The following NLRP8 variants were observed in gnomAD, a reference collection of about 807,000 sequenced individuals.
NLRP8 encodes NLR family pyrin domain containing 8.
A neutral mutation model predicts 88.7 loss-of-function variants in NLRP8; 86 were observed. The ratio of observed to expected loss-of-function variants is 0.97; its 90% confidence interval spans 0.81 to 1.16. NLRP8 has a LOEUF of 1.16. NLRP8 is among the 50% of genes most tolerant of loss of function. The pLI, the probability that NLRP8 is intolerant of heterozygous loss-of-function variation, is 0.00. For synonymous variants in NLRP8, 504 were observed against 494.6 expected, an observed-to-expected ratio of 1.02 and a Z score of -0.25; for missense variants, 1,342 against 1,286.5, an observed-to-expected ratio of 1.04 and a Z score of -0.66.
At chr19:55,978,892 C>G (rs1450355381) in intron 8 of NLRP8, among the ~76,000 whole-genome samples, 20 of 152,096 alleles carry the variant, frequency 1.3e-4, no homozygotes, top group Admixed American at 1.2e-3. Context: ...CCACTGCACT[C>G]CAGCCTGGGC....
chr19:55,974,809 G>A (rs976992003), intron 7 of NLRP8, among the ~76,000 whole-genome samples: 3 of 151,670 alleles, frequency 2.0e-5, no homozygotes, highest in Non-Finnish European at 1.5e-5. Context: ...AAGTTTGGCA[G>A]TTACCCGAGA....
At chr19:55,969,310 C>A (rs1216604367) in intron 5 of NLRP8, among the ~76,000 whole-genome samples, 1 of 152,194 alleles carries the variant, frequency 6.6e-6, no homozygotes, top group East Asian at 1.9e-4. Flanking sequence ...CATTCTTATG[C>A]CTTTGCATCA....
intron 7 of NLRP8, among the ~76,000 whole-genome samples, chr19:55,975,780 G>C (rs559143271): frequency 1.1e-3 from 161 of 152,232 alleles, no homozygotes; most frequent in Non-Finnish European, 1.8e-3. Context: ...GGTGGGTTGG[G>C]GGAGGAAGTG....
At chr19:55,986,678 C>A (rs1980856317) in intron 9 of NLRP8, among the ~76,000 whole-genome samples, 1 of 152,180 alleles carries the variant, frequency 6.6e-6, no homozygotes, top group Non-Finnish European at 1.5e-5. Context: ...CGGTTGCAGC[C>A]AATGAGCAGC....
chr19:55,982,811 T>G (rs1183385211), intron 9 of NLRP8, among the ~76,000 whole-genome samples: 3 of 152,134 alleles, frequency 2.0e-5, no homozygotes, highest in African/African-American at 7.2e-5. Flanking sequence ...CTGGGCATGA[T>G]GGCGCATGCC....
Position 55,976,289 on chromosome 19 carries a change from A to G in NLRP8, c.2862A>G (p.Thr954=), listed in dbSNP as rs897125716. 6.2e-6 allele frequency: 10 copies of G among 1,603,064 alleles called. No individual in the cohort carries two copies. The highest frequency in any genetic ancestry group is 8.5e-6 in the Non-Finnish European group (10 of 1,177,124). ...AGGCCCTGAAGAACCCTGACTGTAC[A>G]TTACAGATCCTGGAGTAAGTGGCCC... The change falls in exon 8 of 10, where the codon ACA becomes ACG. Residue 954 remains threonine (T), a synonymous_variant. Coordinates refer to ENST00000291971, the MANE Select transcript of NLRP8 (RefSeq NM_176811.2).
At chr19:55,958,840 C>G (rs374425078) in intron 3 of NLRP8, among the ~76,000 whole-genome samples, 3 of 151,904 alleles carry the variant, frequency 2.0e-5, no homozygotes, top group Non-Finnish European at 4.4e-5. Context: ...TGTGAGCCAC[C>G]GCGTCCAGCC....
chr19:55,962,383 A>G lies in NLRP8; in HGVS notation c.2213+146A>G, dbSNP rs1417348131. 3.6e-6 allele frequency: 3 copies of G among 842,428 alleles called. No homozygotes were observed. In the Admixed American group the frequency reaches 8.6e-5, roughly 24 times the overall value. The allele number at this position is 842,428 out of a possible 1,614,324, so 52.2% of individuals were successfully genotyped here. A position where few individuals can be genotyped will look rare whatever the true frequency, so the allele number is the denominator to read the frequency against. ...GACGGAGGTGCAGGAGGAATGAGTC[A>G]TGGGGTGCGTGGTGAAGGAAACCAC... is the stretch of plus-strand genomic sequence containing the variant. On this transcript the variant is annotated intron_variant, in intron 4 of 9. Transcript: ENST00000291971.
chr19:55,955,520 C>T lies in NLRP8; in HGVS notation c.1462C>T (p.Leu488Phe), dbSNP rs1189015955. ...GGATCAGACGGGAGTCACCGCCTTCCTTGGCATGAGTATTCTTCGGAGAAT... is the reference window on the plus strand; with the variant it reads ...GGATCAGACGGGAGTCACCGCCTTCTTTGGCATGAGTATTCTTCGGAGAAT... Residue 488 changes from leucine (L) to phenylalanine (F), a missense_variant, in exon 3 of 10, where the codon CTT becomes TTT. Leu to Phe is a conservative substitution (Grantham distance 22, BLOSUM62 0). Transcript: ENST00000291971. 1.2e-6 allele frequency: 2 copies of T among 1,614,204 alleles called. No homozygotes were observed. The highest frequency in any genetic ancestry group is 2.2e-5 in the South Asian group (2 of 91,084).
At chr19:55,976,810 T>G (rs56355090) in intron 8 of NLRP8, among the ~76,000 whole-genome samples, 12,970 of 55,140 alleles carry the variant, frequency 0.24, 734 homozygotes, top group African/African-American at 0.36. Context: ...CCAGGCGCGG[T>G]GGCTCACGCC....
chr19:55,979,269 T>C, intron 8 of NLRP8, 125 bp from the exon 9 acceptor site: 2 of 1,037,110 alleles, frequency 1.9e-6, no homozygotes, highest in South Asian at 1.5e-5. Flanking sequence ...GAATAGACCA[T>C]AGTTGGAACA....
intron 8 of NLRP8, among the ~76,000 whole-genome samples, chr19:55,977,591 T>G (rs1980407093): frequency 6.7e-6 from 1 of 148,268 alleles, no homozygotes; most frequent in South Asian, 2.1e-4. Context: ...ATGTATATAT[T>G]TCCCTGTTTT....
chr19:55,985,425 G>A (rs923512007), intron 9 of NLRP8, among the ~76,000 whole-genome samples: 3 of 152,134 alleles, frequency 2.0e-5, no homozygotes, highest in Non-Finnish European at 2.9e-5. Context: ...ACAGAATAGA[G>A]TCCAGAACAG....
chr19:55,976,485 G>T (rs779980722), intron 8 of NLRP8, among the ~76,000 whole-genome samples, 182 bp downstream of exon 8: 9 of 152,088 alleles, frequency 5.9e-5, no homozygotes, highest in Non-Finnish European at 1.2e-4. Flanking sequence ...CAGCAGTTTC[G>T]CCTGGGCAGG....
chr19:55,960,653 T>A (rs182888978), intron 3 of NLRP8, among the ~76,000 whole-genome samples: 6 of 152,318 alleles, frequency 3.9e-5, no homozygotes, highest in Admixed American at 3.9e-4. Flanking sequence ...ATATCATTCC[T>A]ACTTATTTGC....
chr19:55,950,791 G>A (rs546570989), intron 1 of NLRP8, among the ~76,000 whole-genome samples: 4 of 152,196 alleles, frequency 2.6e-5, no homozygotes, highest in South Asian at 2.1e-4. Context: ...CTGAAAGGCC[G>A]AGGTGGGGCC....
At chr19:55,964,393 G>A (rs1979744573) in intron 4 of NLRP8, among the ~76,000 whole-genome samples, 1 of 152,208 alleles carries the variant, frequency 6.6e-6, no homozygotes, top group East Asian at 1.9e-4. Flanking sequence ...ATGTTAAGCT[G>A]AGAACTCAGT....
At chr19:55,987,749 C>T (rs575713046) in intron 9 of NLRP8, 153 of 1,196,288 alleles carry the variant, frequency 1.3e-4, no homozygotes, top group Middle Eastern at 5.7e-4. Context: ...AAAATGCAAG[C>T]TTAGGGAAGT....
rs267605703 is a variant in NLRP8 at position 55,955,111 on chromosome 19, C to G, written c.1053C>G (p.Leu351=). The G allele has an allele frequency of 1.2e-6, 2 of 1,614,108 alleles. No individual in the cohort carries two copies. The highest frequency in any genetic ancestry group is 1.7e-6 in the Non-Finnish European group (2 of 1,179,986). ...AGCCCTTGCTGAAATGTCCCTCTCTCGTAACCCTTCCGGGGTTTAATACGA... is the reference window on the plus strand; with the variant it reads ...AGCCCTTGCTGAAATGTCCCTCTCTGGTAACCCTTCCGGGGTTTAATACGA... The change falls in exon 3 of 10, where the codon CTC becomes CTG. Residue 351 remains leucine, a synonymous_variant. Transcript: ENST00000291971.
Sources: allele counts gnomAD v4.1 joint callset (sites outside exome capture counted in the v4.1 genomes callset), GRCh38; gene constraint gnomAD v4.1.1; transcripts MANE v1.5; gene names NCBI Gene and HGNC (gene_info 2026-07-23, HGNC 2026-07-21).